The following HACE1 variants were observed in gnomAD, a reference collection of about 807,000 sequenced individuals.
The protein encoded by HACE1 is HECT domain and ankyrin repeat containing E3 ubiquitin protein ligase 1, also known as E3 ubiquitin-protein ligase HACE1.
HACE1 carries 73 observed loss-of-function variants against 118.4 expected under a neutral mutation model. The ratio of observed to expected loss-of-function variants is 0.62; its 90% CI spans 0.51 to 0.75. The LOEUF is 0.75. HACE1 is among the 30% of genes least tolerant of loss of function. The pLI is 0.00. For synonymous variants in HACE1, 368 were observed against 374.8 expected (o/e 0.98, Z 0.21); for missense variants, 749 against 1,102.2 (o/e 0.68, Z 4.54).
chr6:104,777,449 G>A (rs899227701), intron 14 of HACE1, 132 bp from the exon 15 acceptor site: 8 of 687,214 alleles, frequency 1.2e-5, no homozygotes, highest in Non-Finnish European at 2.1e-5. Context: ...GGAGTTACTG[G>A]ATAATGTTTG....
In HACE1 at chr6:104,850,794, T is replaced by A; in HGVS notation, c.221+113A>T. On this transcript the variant is annotated intron_variant, in intron 3 of 23. Coordinates refer to ENST00000262903, the MANE Select transcript of HACE1 (RefSeq NM_020771.4). ...CACGCGCTCAAACAGGATAAAGAACTACTCAGCTGTCTGTTCTCATCTCTC... is the reference window on the plus strand; with the variant it reads ...CACGCGCTCAAACAGGATAAAGAACAACTCAGCTGTCTGTTCTCATCTCTC... 3.8e-6 allele frequency: 3 copies of A among 796,336 alleles called. No individual in the cohort carries two copies. The South Asian group carries it at 4.0e-5, about 11-fold the overall frequency. The allele number at this position is 796,336 out of a possible 1,614,324, so 49.3% of individuals were successfully genotyped here. A position where few individuals can be genotyped will look rare whatever the true frequency, so the allele number is the denominator to read the frequency against.
chr6:104,827,504 C>T (rs1773458708), intron 6 of HACE1, among the ~76,000 whole-genome samples: 1 of 152,082 alleles, frequency 6.6e-6, no homozygotes, highest in African/African-American at 2.4e-5. Flanking sequence ...AAATCATTAT[C>T]ATCTGGTTGT....
At chr6:104,741,045 A>G (rs1254763016) in intron 22 of HACE1, among the ~76,000 whole-genome samples, 1 of 131,618 alleles carries the variant, frequency 7.6e-6, no homozygotes, top group Non-Finnish European at 1.6e-5. Context: ...CATAAACAGA[A>G]CCAAAGACAA....
At chr6:104,841,920 A>C (rs908144130) in intron 5 of HACE1, among the ~76,000 whole-genome samples, 3 of 152,222 alleles carry the variant, frequency 2.0e-5, no homozygotes, top group Non-Finnish European at 4.4e-5. Flanking sequence ...TCTCTTCAGC[A>C]ATATCCCATA....
chr6:104,744,442 A>G (rs1777183477), intron 21 of HACE1, 70 bp downstream of exon 21: 2 of 920,228 alleles, frequency 2.2e-6, no homozygotes, highest in Admixed American at 1.7e-5. Context: ...TTTTCATCCA[A>G]TAGTGCTGAA....
intron 22 of HACE1, among the ~76,000 whole-genome samples, chr6:104,734,933 C>T (rs1279208516): frequency 6.6e-6 from 1 of 151,930 alleles, no homozygotes; most frequent in African/African-American, 2.4e-5. Flanking sequence ...GAAGTATAAA[C>T]CATTTAGAAA....
chr6:104,795,718 CA>C, intron 9 of HACE1, 33 bp from the exon 10 acceptor site: 28 of 1,233,832 alleles, frequency 2.3e-5, no homozygotes, highest in Non-Finnish European at 2.9e-5. Context: ...AATGTGATTA[CA>C]TAGTAATCCA....
intron 5 of HACE1, among the ~76,000 whole-genome samples, chr6:104,834,806 G>GTTGC (rs1344029133): frequency 6.6e-6 from 1 of 152,172 alleles, no homozygotes; most frequent in East Asian, 1.9e-4. Context: ...TCAATAGTAA[G>GTTGC]TACCATGCAC....
intron 5 of HACE1, among the ~76,000 whole-genome samples, chr6:104,838,526 T>G (rs1774769521): frequency 6.6e-6 from 1 of 151,958 alleles, no homozygotes; most frequent in Admixed American, 6.6e-5. Flanking sequence ...GAAACTAGGC[T>G]CCTATATCTC....
intron 22 of HACE1, among the ~76,000 whole-genome samples, chr6:104,733,822 G>A (rs1441645062): frequency 6.8e-6 from 1 of 146,786 alleles, no homozygotes; most frequent in Non-Finnish European, 1.5e-5. Flanking sequence ...CTGGGCAATA[G>A]AGCAAGACTT....
At position 104,750,224 on chromosome 6, in the gene HACE1, T is replaced by C. The variant is rs960177639; in HGVS notation, c.2343+117A>G. Reference sequence around the variant, plus strand: ...TCTCTAAAAATGGACATTAAACCATTTTGTCTCATTTATACATTATTTCAT... The same window carrying C: ...TCTCTAAAAATGGACATTAAACCATCTTGTCTCATTTATACATTATTTCAT... On this transcript the variant is annotated intron_variant, in intron 20 of 23. Transcript: ENST00000262903. 9.4e-6 allele frequency: 8 copies of C among 847,346 alleles called. No homozygotes were observed. The East Asian group carries it at 2.2e-4, about 23-fold the overall frequency. The allele number at this position is 847,346 out of a possible 1,614,324, so 52.5% of individuals were successfully genotyped here.
chr6:104,795,622 T>C lies in HACE1; in HGVS notation c.880A>G (p.Ser294Gly), dbSNP rs755877890. 2 of 1,613,232 alleles carry C rather than the reference T, an allele frequency of 1.2e-6. No individual in the cohort carries two copies. Among genetic ancestry groups the C allele is most frequent in the South Asian group, 2.2e-5 (2 of 91,064 alleles). The change falls in exon 10 of 24, where the codon AGC becomes GGC. Residue 294 changes from serine to glycine, a missense_variant. Physicochemically the swap from Ser to Gly is moderately conservative, Grantham distance 56 (BLOSUM62 0). Coordinates refer to ENST00000262903, the MANE Select transcript of HACE1 (RefSeq NM_020771.4). ...SESQYLKILT[S>G]LAEVATTNGH... ...TTTGTTGTAGCAACTTCAGCAAGGC[T>C]TGTTAGAATCTTTAGGTACTGGCTT...
chr6:104,818,123 T>C (rs750128492), intron 6 of HACE1, among the ~76,000 whole-genome samples: 1 of 152,198 alleles, frequency 6.6e-6, no homozygotes, highest in Non-Finnish European at 1.5e-5. Flanking sequence ...CAACATGAAT[T>C]CTATAATCTA....
chr6:104,780,259 C>T (rs1356389605), intron 14 of HACE1: 2 of 330,916 alleles, frequency 6.0e-6, no homozygotes, highest in East Asian at 9.1e-5. Context: ...GTACAAACTG[C>T]TACCTTCAAA....
At chr6:104,782,155 C>G (rs574540684) in intron 14 of HACE1, among the ~76,000 whole-genome samples, 2 of 152,338 alleles carry the variant, frequency 1.3e-5, no homozygotes, top group South Asian at 2.1e-4. Context: ...CACCTATTAT[C>G]TCATTTGCCC....
intron 20 of HACE1, among the ~76,000 whole-genome samples, chr6:104,746,985 T>C (rs1012207649): frequency 6.6e-6 from 1 of 152,162 alleles, no homozygotes; most frequent in Non-Finnish European, 1.5e-5. Context: ...TCACATTAAT[T>C]GTTACGATTT....
chr6:104,795,601 T>C lies in HACE1; in HGVS notation c.901A>G (p.Thr301Ala), dbSNP rs1769529572. The C allele has an allele frequency of 6.2e-7, 1 of 1,606,924 alleles. No individual in the cohort carries two copies. Among genetic ancestry groups the C allele is most frequent in the South Asian group, 1.1e-5 (1 of 90,956 alleles). The change falls in exon 10 of 24, where the codon ACA becomes GCA. Residue 301 changes from threonine (T) to alanine (A), a missense_variant. Thr to Ala is a moderately conservative substitution (Grantham distance 58, BLOSUM62 0). Transcript: ENST00000262903. ...TACCTAAGCAGTTTATGACCATTTG[T>C]TGTAGCAACTTCAGCAAGGCTTGTT... ...ILTSLAEVAT[T>A]NGHKLLSLSS...
chr6:104,750,472 C>T lies in HACE1; in HGVS notation c.2212G>A (p.Ala738Thr), dbSNP rs1234640113. Residue 738 changes from alanine to threonine, a missense_variant and splice_region_variant, in exon 20 of 24, where the codon GCG (alanine) becomes ACG (threonine). By Grantham distance (58) the Ala-to-Thr change is moderately conservative. Coordinates refer to ENST00000262903, the MANE Select transcript of HACE1 (RefSeq NM_020771.4). ...GSILVTQNNK[A>T]EYVQLVTELR... ...TCAGTAACAAGCTGGACGTACTCCG[C>T]CTGTTGAAAAAGAAGTTTTCATGAT... is the stretch of plus-strand genomic sequence containing the variant. 3 of 1,613,184 alleles carry T rather than the reference C, an allele frequency of 1.9e-6. No homozygotes were observed. The African/African-American group carries it at 4.0e-5, about 22-fold the overall frequency.
intron 2 of HACE1, among the ~76,000 whole-genome samples, chr6:104,851,832 G>T (rs1776237636): frequency 2.0e-5 from 3 of 152,086 alleles, no homozygotes; most frequent in African/African-American, 7.2e-5. Context: ...GCTGACTGGT[G>T]TAAGTGTAAA....
Sources: gnomAD v4.1 joint callset for allele counts (sites outside exome capture counted in the v4.1 genomes callset) on GRCh38, gnomAD v4.1.1 for gene constraint, MANE v1.5 for transcripts, NCBI Gene and HGNC (gene_info 2026-07-23, HGNC 2026-07-21) for gene names.